PDE10A: variants seen among roughly 807,000 people sequenced by gnomAD.
PDE10A encodes cAMP and cAMP-inhibited cGMP 3',5'-cyclic phosphodiesterase 10A.
A neutral mutation model predicts 97.7 loss-of-function variants in PDE10A; 39 were observed. The ratio of observed to expected loss-of-function variants is 0.40; its 90% CI spans 0.31 to 0.52. The LOEUF (loss-of-function observed/expected upper bound fraction) is 0.52, where lower values mean the gene tolerates loss of function less well. PDE10A is among the 20% of genes least tolerant of loss of function. The pLI is 0.56. For missense variants in PDE10A, 731 were observed against 1,047.8 expected (o/e 0.70, Z 4.17); for synonymous variants, 371 against 376.8 (o/e 0.98, Z 0.18).
intron 1 of PDE10A, among the ~76,000 whole-genome samples, chr6:165,855,317 G>T (rs1178698191): frequency 1.3e-5 from 2 of 150,318 alleles, no homozygotes; most frequent in African/African-American, 4.9e-5. Flanking sequence ...GGGGGGGGGG[G>T]GGACTCAGGG....
intron 1 of PDE10A, among the ~76,000 whole-genome samples, chr6:165,567,344 A>T (rs1378229025): frequency 3.3e-5 from 5 of 152,230 alleles, no homozygotes; most frequent in African/African-American, 1.2e-4. Flanking sequence ...TCAATCAAGG[A>T]AGCTAAGATT....
In PDE10A at chr6:165,391,610, G is replaced by A. The variant is rs9356356; in HGVS notation, c.2454+1036C>T. Among the ~76,000 whole-genome samples the A allele has an allele frequency of 3.4e-4, 52 of 152,158 alleles. No homozygotes were observed. In the East Asian group the frequency reaches 7.9e-3, roughly 23 times the overall value. ...GAGATTTCATGTGGATCTTTCGCGGGGAGGTGATAAATAATAAATTACTGA... is the reference window on the plus strand; with the variant it reads ...GAGATTTCATGTGGATCTTTCGCGGAGAGGTGATAAATAATAAATTACTGA... On this transcript the variant is annotated intron_variant, in intron 16 of 21. Coordinates refer to ENST00000539869, the MANE Select transcript of PDE10A (RefSeq NM_001385079.1).
chr6:165,464,659 A>T (rs1362789702), intron 3 of PDE10A, among the ~76,000 whole-genome samples: 3 of 152,198 alleles, frequency 2.0e-5, no homozygotes, highest in Non-Finnish European at 1.5e-5. Context: ...GTCCTTTCTA[A>T]TCAATCCCTG....
intron 1 of PDE10A, among the ~76,000 whole-genome samples, chr6:165,558,569 T>C (rs1408850662): frequency 6.6e-6 from 1 of 152,194 alleles, no homozygotes; most frequent in Admixed American, 6.5e-5. Context: ...TTTTTCTTTC[T>C]TTGCTCGCAA....
intron 1 of PDE10A, among the ~76,000 whole-genome samples, chr6:165,844,074 C>T (rs566517598): frequency 4.4e-4 from 67 of 152,196 alleles, no homozygotes; most frequent in African/African-American, 1.5e-3. Flanking sequence ...TGGGGTACCT[C>T]GCAGGTGAGA....
intron 1 of PDE10A, among the ~76,000 whole-genome samples, chr6:165,656,038 T>A (rs1459191013): frequency 1.3e-5 from 2 of 151,964 alleles, no homozygotes; most frequent in African/African-American, 4.8e-5. Flanking sequence ...CCGTGTGCAT[T>A]CGCTGTGCAG....
chr6:165,943,286 AGAAAGAAG>A (rs1783630553), intron 1 of PDE10A, among the ~76,000 whole-genome samples: 1 of 106,876 alleles, frequency 9.4e-6, no homozygotes, highest in African/African-American at 4.0e-5. Context: ...AAAGAAAGAA[AGAAAGAAG>A]GAAAGAAAGA....
At chr6:165,334,379 A>G (rs1412751777) in intron 21 of PDE10A, among the ~76,000 whole-genome samples, 1 of 150,012 alleles carries the variant, frequency 6.7e-6, no homozygotes, top group African/African-American at 2.5e-5. Context: ...AGCGCCCTAC[A>G]GCGCCGGGCA....
chr6:165,886,310 C>G (rs4709992), intron 1 of PDE10A, among the ~76,000 whole-genome samples: 3 of 148,382 alleles, frequency 2.0e-5, no homozygotes, highest in African/African-American at 7.5e-5. Flanking sequence ...GAGCCCTGGA[C>G]CCCTGGAATA....
intron 5 of PDE10A, among the ~76,000 whole-genome samples, chr6:165,447,392 C>A (rs1790932099): frequency 6.6e-6 from 1 of 152,154 alleles, no homozygotes; most frequent in Non-Finnish European, 1.5e-5. Context: ...CTGGGGCCCT[C>A]ATGGGCCACA....
chr6:165,703,500 G>C (rs1244207229), intron 1 of PDE10A, among the ~76,000 whole-genome samples: 1 of 152,202 alleles, frequency 6.6e-6, no homozygotes, highest in Non-Finnish European at 1.5e-5. Flanking sequence ...CTGAAGAAAA[G>C]TTATGCACAG....
chr6:165,961,013 T>C (rs1320604971), intron 1 of PDE10A, among the ~76,000 whole-genome samples: 1 of 148,994 alleles, frequency 6.7e-6, no homozygotes, highest in Non-Finnish European at 1.5e-5. Context: ...TAAGGGGACC[T>C]GGGCTGGGTC....
chr6:165,632,912 C>T (rs1284699401), intron 1 of PDE10A, among the ~76,000 whole-genome samples: 3 of 152,030 alleles, frequency 2.0e-5, no homozygotes, highest in Non-Finnish European at 4.4e-5. Context: ...GATGGGATCC[C>T]AGTTCTAGCT....
At chr6:165,403,111 T>C (rs1214120872) in intron 13 of PDE10A, among the ~76,000 whole-genome samples, 3 of 152,172 alleles carry the variant, frequency 2.0e-5, no homozygotes, top group African/African-American at 7.2e-5. Context: ...TAGCCAAGAA[T>C]GTAACGTTCA....
chr6:165,648,214 A>G (rs1022620939), intron 1 of PDE10A, among the ~76,000 whole-genome samples: 1 of 151,858 alleles, frequency 6.6e-6, no homozygotes, highest in African/African-American at 2.4e-5. Context: ...GGGTTTCACC[A>G]TATTAGCCAG....
intron 1 of PDE10A, among the ~76,000 whole-genome samples, chr6:165,765,008 G>A (rs1480591991): frequency 6.6e-6 from 1 of 151,940 alleles, no homozygotes; most frequent in Non-Finnish European, 1.5e-5. Context: ...GATACAGAGT[G>A]TGGACACAAA....
intron 2 of PDE10A, among the ~76,000 whole-genome samples, chr6:165,517,717 G>T (rs9348010): frequency 0.81 from 122,513 of 152,114 alleles, 49,811 homozygotes; most frequent in East Asian, 1. Context: ...TGCCAAGGAC[G>T]GGGTGAATGG....
intron 1 of PDE10A, among the ~76,000 whole-genome samples, chr6:165,745,940 C>A (rs1022469286): frequency 6.6e-6 from 1 of 152,124 alleles, no homozygotes; most frequent in African/African-American, 2.4e-5. Context: ...ATGTTTTGCT[C>A]CTTTTTTATA....
Position 165,724,155 on chromosome 6 carries a change from C to T in PDE10A, c.-614-180587G>A, listed in dbSNP as rs138940903. 3.3e-5 allele frequency among the ~76,000 whole-genome samples: 5 copies of T among 152,308 alleles called. No homozygotes were observed. The East Asian group carries it at 5.8e-4, about 18-fold the overall frequency. On this transcript the variant is annotated intron_variant, in intron 1 of 19. Coordinates refer to the PDE10A transcript ENST00000366882. ...CACACTGGGCATGGTTTATGCTTGA[C>T]GTCTTTGCCCTTTACTTACTAGGAA... is the stretch of plus-strand genomic sequence containing the variant.
Sources: gnomAD v4.1 joint callset for allele counts (sites outside exome capture counted in the v4.1 genomes callset) on GRCh38, gnomAD v4.1.1 for gene constraint, MANE v1.5 for transcripts, NCBI Gene and HGNC (gene_info 2026-07-23, HGNC 2026-07-21) for gene names.